DENND2C: variants seen among roughly 807,000 people sequenced by gnomAD.
DENND2C encodes the protein DENN domain containing 2C, also known as DENN domain-containing protein 2C.
Under a neutral mutation model 112.4 loss-of-function variants are expected in DENND2C, and 72 were observed. That is an observed-to-expected ratio of 0.64 (90% CI 0.53 to 0.78). DENND2C has a LOEUF of 0.78. Among genes scored for constraint, DENND2C ranks in the 30% least tolerant of loss-of-function variants. The pLI, the probability that DENND2C is intolerant of heterozygous loss-of-function variation, is 0.00. For missense variants in DENND2C, 992 were observed against 1,113.8 expected (o/e 0.89, Z 1.56); for synonymous variants, 329 against 381.6 (o/e 0.86, Z 1.61).
chr1:114,657,881 G>C (rs532282679), intron 1 of DENND2C, among the ~76,000 whole-genome samples: 63 of 152,286 alleles, frequency 4.1e-4, no homozygotes, highest in Middle Eastern at 3.4e-3. Context: ...GAGAAGAAAA[G>C]AAACAAGGGT....
intron 2 of DENND2C, among the ~76,000 whole-genome samples, chr1:114,652,845 T>G (rs1045353493): frequency 2.6e-5 from 4 of 151,630 alleles, no homozygotes; most frequent in Non-Finnish European, 5.9e-5. Context: ...TGGCTCTATC[T>G]CCCACATGCT....
At chr1:114,592,984 G>A in intron 18 of DENND2C, among the ~76,000 whole-genome samples, 1 of 152,166 alleles carries the variant, frequency 6.6e-6, no homozygotes, top group South Asian at 2.1e-4. Flanking sequence ...TCACACTCCT[G>A]TTTGTTTTTT....
chr1:114,618,717 C>A (rs1656073146), intron 7 of DENND2C, among the ~76,000 whole-genome samples: 1 of 152,180 alleles, frequency 6.6e-6, no homozygotes, highest in African/African-American at 2.4e-5. Context: ...TTGGATGAAC[C>A]CAGCACAGGC....
In DENND2C at chr1:114,585,492, T is replaced by C. The variant is rs938282815; in HGVS notation, c.*108A>G. 7.9e-7 allele frequency: 1 copy of C among 1,269,286 alleles called. No individual in the cohort carries two copies. Among genetic ancestry groups the C allele is most frequent in the Non-Finnish European group, 1.1e-6 (1 of 888,240 alleles). 78.6% of individuals were successfully genotyped at this position (1,269,286 alleles called of 1,614,324 possible). ...ACAGCCTGACTCGCTCTTTAACCTT[T>C]TAAAATTTCAAGAATTTTGTAGAAT... On this transcript the variant is annotated 3_prime_UTR_variant, in exon 21 of 21. Coordinates refer to ENST00000393274, the MANE Select transcript of DENND2C (RefSeq NM_001256404.2).
At chr1:114,647,118 C>T (rs1657012103) in intron 2 of DENND2C, among the ~76,000 whole-genome samples, 2 of 150,422 alleles carry the variant, frequency 1.3e-5, no homozygotes, top group South Asian at 4.2e-4. Flanking sequence ...GCCAAGATTG[C>T]ACCACTGAAC....
intron 1 of DENND2C, among the ~76,000 whole-genome samples, chr1:114,666,044 T>C (rs1489542280): frequency 2.6e-5 from 4 of 152,130 alleles, no homozygotes; most frequent in Admixed American, 2.0e-4. Context: ...TCCTCCAATA[T>C]TAAAAAATAA....
At chr1:114,651,301 A>ACC (rs1303233212) in intron 2 of DENND2C, among the ~76,000 whole-genome samples, 1 of 150,114 alleles carries the variant, frequency 6.7e-6, no homozygotes, top group East Asian at 2.0e-4. Context: ...ACACACACAC[A>ACC]CACACGCCAA....
At chr1:114,615,569 T>C (rs1404474290) in intron 8 of DENND2C, among the ~76,000 whole-genome samples, 1 of 152,230 alleles carries the variant, frequency 6.6e-6, no homozygotes, top group Non-Finnish European at 1.5e-5. Context: ...CTACTATTAA[T>C]AACAATGACC....
intron 3 of DENND2C, among the ~76,000 whole-genome samples, chr1:114,636,127 CCAT>C (rs1187848112): frequency 6.6e-6 from 1 of 151,388 alleles, no homozygotes. Context: ...TTAAAAGTCA[CCAT>C]GTTTATGGGA....
intron 8 of DENND2C, among the ~76,000 whole-genome samples, chr1:114,615,758 A>C (rs1489735371): frequency 6.6e-6 from 1 of 152,224 alleles, no homozygotes; most frequent in Admixed American, 6.5e-5. Flanking sequence ...AATATAAAAT[A>C]GGTTTTTAAG....
intron 3 of DENND2C, among the ~76,000 whole-genome samples, chr1:114,631,327 G>C (rs1413685725): frequency 6.6e-6 from 1 of 151,956 alleles, no homozygotes; most frequent in African/African-American, 2.4e-5. Flanking sequence ...AGTCAGTCAA[G>C]ATAGCACTCA....
At chr1:114,665,379 A>G (rs978503485) in intron 1 of DENND2C, among the ~76,000 whole-genome samples, 10 of 152,174 alleles carry the variant, frequency 6.6e-5, no homozygotes, top group African/African-American at 2.4e-4. Context: ...GTAGCTGTGA[A>G]TTTGCTATAA....
rs1655578271 is a variant in DENND2C at position 114,603,539 on chromosome 1, CCTTTT to C, written c.1668-1350_1668-1346del. 7.3e-5 allele frequency among the ~76,000 whole-genome samples: 11 copies of C among 151,192 alleles called. No homozygotes were observed. The South Asian group carries it at 2.3e-3, about 32-fold the overall frequency. On this transcript the variant is annotated intron_variant, in intron 11 of 20. Transcript: ENST00000393274. ...TCCTCCCTCCCTCCCTTCCTTCCTTCCTTTTATTATTATTATTATTATTTTTGGAC... is the reference window on the plus strand; with the variant it reads ...TCCTCCCTCCCTCCCTTCCTTCCTTCATTATTATTATTATTATTTTTGGAC...
Position 114,600,870 on chromosome 1 carries a change from G to C in DENND2C, c.1906C>G (p.Pro636Ala). ...CTCTTAACTGTGATGGTGCGTCCAG[G>C]AGCTGGGAAAGGAGCTTCCATGACA... Reference protein sequence around the residue: ...RSVMEAPFPAPGRTITVKSYL... With the variant: ...RSVMEAPFPAAGRTITVKSYL... The change falls in exon 14 of 21, where the codon CCT becomes GCT. Residue 636 changes from proline to alanine, a missense_variant. Coordinates refer to ENST00000393274, the MANE Select transcript of DENND2C (RefSeq NM_001256404.2). 2 of 1,614,084 alleles carry C rather than the reference G, an allele frequency of 1.2e-6. No individual in the cohort carries two copies. The highest frequency in any genetic ancestry group is 1.7e-6 in the Non-Finnish European group (2 of 1,179,968).
chr1:114,626,693 G>C (rs768465862), intron 3 of DENND2C, among the ~76,000 whole-genome samples: 3 of 151,414 alleles, frequency 2.0e-5, no homozygotes, highest in Non-Finnish European at 2.9e-5. Flanking sequence ...TGTATTTTTC[G>C]TAGAGACGGA....
At chr1:114,635,052 AAG>A (rs1289702374) in intron 3 of DENND2C, among the ~76,000 whole-genome samples, 2 of 151,668 alleles carry the variant, frequency 1.3e-5, no homozygotes, top group African/African-American at 4.8e-5. Flanking sequence ...AAAGAAAAAA[AAG>A]AAAAAAACTG....
chr1:114,636,693 T>C lies in DENND2C; in HGVS notation c.-205+8755A>G, dbSNP rs530688834. Among the ~76,000 whole-genome samples, 4 of 151,020 alleles carry C rather than the reference T, an allele frequency of 2.6e-5. 1 individual carries two copies. In the South Asian group the frequency reaches 6.3e-4, roughly 24 times the overall value. On this transcript the variant is annotated intron_variant, in intron 3 of 20. Transcript: ENST00000393274. ...AACAACAGCAACAAAAAAAACATAA[T>C]GAATAAGGCAAGAAAAACTAAGTAA...
chr1:114,652,530 C>T (rs2101690758), intron 2 of DENND2C, among the ~76,000 whole-genome samples: 1 of 152,094 alleles, frequency 6.6e-6, no homozygotes, highest in Middle Eastern at 3.4e-3. Context: ...ATAGTAATCC[C>T]TTGGTATGTG....
At chr1:114,653,148 G>A (rs182483211) in intron 2 of DENND2C, among the ~76,000 whole-genome samples, 2 of 151,492 alleles carry the variant, frequency 1.3e-5, no homozygotes, top group Non-Finnish European at 2.9e-5. Context: ...TCACTTTGTC[G>A]ACCAGGCTGG....
Sources: allele counts gnomAD v4.1 joint callset (sites outside exome capture counted in the v4.1 genomes callset), GRCh38; gene constraint gnomAD v4.1.1; transcripts MANE v1.5; gene names NCBI Gene and HGNC (gene_info 2026-07-23, HGNC 2026-07-21).